The following ZMAT4 variants were observed in gnomAD, a reference collection of about 807,000 sequenced individuals.
ZMAT4 encodes the protein zinc finger matrin-type protein 4.
A neutral mutation model predicts 28.7 loss-of-function variants in ZMAT4; 17 were observed. The observed-to-expected ratio is 0.59, with a 90% CI of 0.41 to 0.89. The LOEUF (loss-of-function observed/expected upper bound fraction) is 0.89. Ranked by LOEUF, ZMAT4 falls within the 40% of genes least tolerant of loss-of-function variation. The pLI is 0.00. For synonymous variants in ZMAT4, 117 were observed against 109.2 expected, an observed-to-expected ratio of 1.07 and a Z score of -0.44; for missense variants, 240 against 283.8, an observed-to-expected ratio of 0.85 and a Z score of 1.11.
At chr8:40,601,584 AAG>A (rs1351830388) in intron 5 of ZMAT4, among the ~76,000 whole-genome samples, 2 of 7,490 alleles carry the variant, frequency 2.7e-4, no homozygotes, top group Admixed American at 3.2e-3. Flanking sequence ...GAAAGAAAGA[AAG>A]AAAGAAAGAA....
Position 40,682,459 on chromosome 8 carries a change from G to T in ZMAT4, c.350-7528C>A, listed in dbSNP as rs536670635. Among the ~76,000 whole-genome samples, 7 of 152,204 alleles carry T rather than the reference G, an allele frequency of 4.6e-5. No homozygotes were observed. The East Asian group carries it at 1.4e-3, about 29-fold the overall frequency. ...CACTGTTATCACAGATCCAAATATG[G>T]CTCTAATTGTTTAGATAAAAAGAAG... On this transcript the variant is annotated intron_variant, in intron 4 of 6. Transcript: ENST00000297737.
chr8:40,697,400 C>T lies in ZMAT4; in HGVS notation c.194G>A (p.Gly65Glu). The T allele has an allele frequency of 6.3e-7, 1 of 1,578,590 alleles. No individual in the cohort carries two copies. The highest frequency in any genetic ancestry group is 8.6e-7 in the Non-Finnish European group (1 of 1,159,734). Residue 65 changes from glycine to glutamate, a missense_variant and splice_region_variant, in exon 4 of 7, where the codon GGA becomes GAA. Gly to Glu is a moderately conservative substitution (Grantham distance 98). Transcript: ENST00000297737. ...CTTATCCACCATGTCGGCATCACTT[C>T]CCTGCGCAGGGAGAAAGAAAGGCCA... ...CPAKRLRSEN[G>E]SDADMVDKNK...
intron 2 of ZMAT4, chr8:40,786,838 T>C: frequency 1.2e-6 from 1 of 844,660 alleles, no homozygotes; most frequent in Non-Finnish European, 1.7e-6. Flanking sequence ...GGGATTGCAT[T>C]TCACTGAAGG....
intron 3 of ZMAT4, among the ~76,000 whole-genome samples, chr8:40,713,521 CTA>C (rs1810712959): frequency 6.6e-6 from 1 of 151,774 alleles, no homozygotes; most frequent in African/African-American, 2.4e-5. Context: ...AAATGCTTAG[CTA>C]TATAAAGAAC....
chr8:40,610,461 A>G (rs932564287), intron 5 of ZMAT4, among the ~76,000 whole-genome samples: 3 of 152,186 alleles, frequency 2.0e-5, no homozygotes, highest in African/African-American at 7.2e-5. Context: ...AAGACAATCT[A>G]ACAAAAATTT....
intron 1 of ZMAT4, among the ~76,000 whole-genome samples, chr8:40,845,707 A>G (rs1467046218): frequency 6.7e-6 from 1 of 149,182 alleles, no homozygotes. Context: ...AGGAATTGCA[A>G]AAAAAAAAAA....
At chr8:40,815,472 G>A (rs1361886733) in intron 2 of ZMAT4, among the ~76,000 whole-genome samples, 2 of 152,128 alleles carry the variant, frequency 1.3e-5, no homozygotes, top group African/African-American at 2.4e-5. Flanking sequence ...TTCTTGTAGA[G>A]GAGAGCAAAG....
chr8:40,806,668 T>C (rs1168901072), intron 2 of ZMAT4, among the ~76,000 whole-genome samples: 2 of 152,200 alleles, frequency 1.3e-5, no homozygotes, highest in Non-Finnish European at 2.9e-5. Context: ...TAAATCTCTG[T>C]GATGGACGGC....
intron 3 of ZMAT4, among the ~76,000 whole-genome samples, chr8:40,717,346 T>C (rs1468124649): frequency 2.6e-5 from 4 of 152,172 alleles, no homozygotes; most frequent in African/African-American, 9.7e-5. Context: ...TATCTTCTAA[T>C]ATAAAATACT....
At chr8:40,554,526 G>A (rs1483627137) in intron 6 of ZMAT4, among the ~76,000 whole-genome samples, 1 of 152,006 alleles carries the variant, frequency 6.6e-6, no homozygotes, top group Non-Finnish European at 1.5e-5. Context: ...AAAAACCTTT[G>A]GGAAAAATGT....
intron 6 of ZMAT4, among the ~76,000 whole-genome samples, chr8:40,564,440 C>T (rs1012873980): frequency 7.2e-5 from 11 of 152,164 alleles, no homozygotes; most frequent in Non-Finnish European, 1.5e-5. Flanking sequence ...AGTCTCGGGC[C>T]ACCCCCCTCT....
At chr8:40,701,245 TAGAAG>T (rs774579929) in intron 3 of ZMAT4, among the ~76,000 whole-genome samples, 18 of 152,194 alleles carry the variant, frequency 1.2e-4, no homozygotes, top group Non-Finnish European at 2.2e-4. Context: ...TTAAAAATAA[TAGAAG>T]AGGAAAACCA....
intron 6 of ZMAT4, among the ~76,000 whole-genome samples, chr8:40,569,166 A>C (rs1264121712): frequency 6.6e-6 from 1 of 152,194 alleles, no homozygotes. Flanking sequence ...ATGAGCTCTT[A>C]TCCTCCACCC....
At chr8:40,894,889 G>A (rs375919497) in intron 1 of ZMAT4, among the ~76,000 whole-genome samples, 5 of 152,268 alleles carry the variant, frequency 3.3e-5, no homozygotes, top group South Asian at 4.1e-4. Context: ...AAGGCAAAAA[G>A]GCTCTTCTCT....
chr8:40,634,598 A>G (rs762216965), intron 5 of ZMAT4, among the ~76,000 whole-genome samples: 48 of 152,212 alleles, frequency 3.2e-4, no homozygotes, highest in Non-Finnish European at 6.0e-4. Context: ...CATGTAATTA[A>G]GAGGCTCCAG....
chr8:40,846,978 G>A (rs1000465336), intron 1 of ZMAT4, among the ~76,000 whole-genome samples: 10 of 152,086 alleles, frequency 6.6e-5, no homozygotes, highest in Non-Finnish European at 1.0e-4. Context: ...AGGCCAAGGC[G>A]GGCAGATCAT....
chr8:40,568,322 A>C (rs1176383962), intron 6 of ZMAT4, among the ~76,000 whole-genome samples: 5 of 152,120 alleles, frequency 3.3e-5, no homozygotes, highest in African/African-American at 1.2e-4. Flanking sequence ...TCAAGCTTGA[A>C]ACTGTTGTAT....
chr8:40,830,691 A>G (rs979940913), intron 1 of ZMAT4, among the ~76,000 whole-genome samples: 7 of 152,360 alleles, frequency 4.6e-5, no homozygotes, highest in Non-Finnish European at 1.0e-4. Context: ...CAAAAGCATT[A>G]TGTTAAAAAG....
chr8:40,568,908 C>T (rs756911568), intron 6 of ZMAT4, among the ~76,000 whole-genome samples: 1 of 152,134 alleles, frequency 6.6e-6, no homozygotes, highest in Non-Finnish European at 1.5e-5. Context: ...TTTTACTCAC[C>T]ATATCATATG....
Sources: allele counts gnomAD v4.1 joint callset (sites outside exome capture counted in the v4.1 genomes callset), GRCh38; gene constraint gnomAD v4.1.1; transcripts MANE v1.5; gene names NCBI Gene and HGNC (gene_info 2026-07-23, HGNC 2026-07-21).